Variants in SPATA20 observed in about 807,000 individuals in gnomAD.
SPATA20 encodes spermatogenesis-associated protein 20.
In SPATA20, 74 loss-of-function variants were observed where a neutral mutation model predicts 98.9. The ratio of observed to expected loss-of-function variants is 0.75; its 90% CI spans 0.62 to 0.91. SPATA20 has a LOEUF of 0.91. Ranked by LOEUF, SPATA20 falls within the 40% of genes least tolerant of loss-of-function variation. The pLI is 0.00. For synonymous variants in SPATA20, 430 were observed against 440.5 expected (o/e 0.98, Z 0.30); for missense variants, 1,016 against 1,069.8 (o/e 0.95, Z 0.70).
chr17:50,548,280 C>A lies in SPATA20; in HGVS notation c.126-3C>A. ...GCTTGCCTGATGCACCAGTCCTCGC[C>A]AGGGGTAGCTCCTCCCGGGACAAGG... On this transcript the variant is annotated splice_polypyrimidine_tract_variant and splice_region_variant and intron_variant, in intron 2 of 16. Transcript: ENST00000006658. The A allele has an allele frequency of 6.2e-7, 1 of 1,612,914 alleles. No individual in the cohort carries two copies.
In SPATA20 at chr17:50,549,377, A is replaced by G. The variant is rs2034973221; in HGVS notation, c.752A>G (p.Gln251Arg). The G allele has an allele frequency of 3.7e-6, 6 of 1,612,502 alleles. No homozygotes were observed. Among genetic ancestry groups the G allele is most frequent in the Non-Finnish European group, 5.1e-6 (6 of 1,179,926 alleles). Residue 251 changes from glutamine (Q) to arginine (R), a missense_variant, in exon 7 of 17, where the codon CAG (glutamine) becomes CGG (arginine). Transcript: ENST00000006658. ...TCAGAGATCAGCGTGGGTGACCGCC[A>G]GCTGCCGCCCTCTGCCGCCACCGTG... ...ARSEISVGDR[Q>R]LPPSAATVNN...
At chr17:50,549,016 C>A in intron 5 of SPATA20, 27 bp from the exon 6 acceptor site, 1 of 1,613,894 alleles carries the variant, frequency 6.2e-7, no homozygotes. Flanking sequence ...AGAGCAGCTC[C>A]CCTCACCCTC....
At chr17:50,550,499 CCT>C (rs10586811) in intron 9 of SPATA20, 35 bp from the exon 10 acceptor site, 409,888 of 1,600,802 alleles carry the variant, frequency 0.26, 60,574 homozygotes, top group African/African-American at 0.63. Context: ...TCCCCAGTGA[CCT>C]CTCTGTTCAC....
In SPATA20 at chr17:50,547,729, A is replaced by G. The variant is rs780884559; in HGVS notation, c.87A>G (p.Gly29=). ...AGLAASRRCP[G]VWPRTWPHRS... The stretch of plus-strand genomic sequence containing the variant: ...GTCTCTGATTCCCTAGGTGTCCTGG[A>G]GTCTGGCCCAGGACCTGGCCCCACA... Residue 29 remains glycine (G), a synonymous_variant, in exon 2 of 17, where the codon GGA becomes GGG. Coordinates refer to ENST00000006658, the MANE Select transcript of SPATA20 (RefSeq NM_022827.4). 1.4e-5 allele frequency: 11 copies of G among 781,300 alleles called. No individual in the cohort carries two copies. The highest frequency in any genetic ancestry group is 1.3e-4 in the South Asian group (10 of 74,622). 48.4% of individuals were successfully genotyped at this position (781,300 alleles called of 1,614,324 possible). A position where few individuals can be genotyped will look rare whatever the true frequency, so the allele number is the denominator to read the frequency against.
intron 16 of SPATA20, 22 bp downstream of exon 16, chr17:50,555,334 A>G (rs2035097620): frequency 1.2e-6 from 2 of 1,609,580 alleles, no homozygotes; most frequent in Non-Finnish European, 8.5e-7. Flanking sequence ...TGTGAGCCCA[A>G]TCTGCCACCT....
At chr17:50,552,797 G>A (rs1385166824) in intron 14 of SPATA20, among the ~76,000 whole-genome samples, 1 of 147,190 alleles carries the variant, frequency 6.8e-6, no homozygotes, top group East Asian at 2.1e-4. Flanking sequence ...CAAGTGATCT[G>A]CCCACCTCGG....
rs955530790 is a variant in SPATA20, at chr17:50,549,343, C to T, written c.718C>T (p.Leu240=). 3 of 1,612,670 alleles carry T rather than the reference C, an allele frequency of 1.9e-6. No homozygotes were observed. In the African/African-American group the frequency reaches 4.0e-5, roughly 21 times the overall value. ...ENSQRVTTAL[L]ARSEISVGDR... is the part of the protein sequence containing the mutation. ...TAGCCAGCGTGTCACCACTGCCCTG[C>T]TGGCCCGATCAGAGATCAGCGTGGG... Residue 240 remains leucine, a synonymous_variant, in exon 7 of 17, where the codon CTG becomes TTG. Transcript: ENST00000006658.
Position 50,554,267 on chromosome 17 carries a change from G to T in SPATA20, c.1974G>T (p.Glu658Asp), listed in dbSNP as rs763485767. Residue 658 changes from glutamate to aspartate, a missense_variant, in exon 15 of 17, where the codon GAG becomes GAT. Coordinates refer to ENST00000006658, the MANE Select transcript of SPATA20 (RefSeq NM_022827.4). The part of the protein sequence containing the change: ...LRLKDDQDGA[E>D]PSANSVSAHN... The stretch of plus-strand genomic sequence containing the variant: ...GTGCTGTAGACCAGGATGGAGCAGA[G>T]CCCAGCGCCAATTCCGTGTCAGCCC... The T allele has an allele frequency of 6.2e-7, 1 of 1,614,106 alleles. No homozygotes were observed. Among genetic ancestry groups the T allele is most frequent in the Non-Finnish European group, 8.5e-7 (1 of 1,180,020 alleles).
At chr17:50,552,280 T>A in intron 14 of SPATA20, 100 bp downstream of exon 14, 1 of 943,546 alleles carries the variant, frequency 1.1e-6, no homozygotes, top group Non-Finnish European at 1.6e-6. Context: ...TTTGTGTCTC[T>A]GCTACTTATT....
Position 50,550,784 on chromosome 17 carries a change from A to G in SPATA20, c.1250A>G (p.Tyr417Cys), listed in dbSNP as rs1002520366. The G allele has an allele frequency of 1.9e-6, 3 of 1,613,042 alleles. No individual in the cohort carries two copies. Among genetic ancestry groups the G allele is most frequent in the Admixed American group, 1.7e-5 (1 of 60,028 alleles). Reference protein sequence around the residue: ...RGQRPKEGAYYVWTVKEVQQL... With the variant: ...RGQRPKEGAYCVWTVKEVQQL... ...CAGCGGCCCAAAGAGGGCGCCTACT[A>G]TGTGTGGACGGTCAAAGAGGTTCAG... is the stretch of plus-strand genomic sequence containing the variant. Residue 417 changes from tyrosine to cysteine, a missense_variant, in exon 11 of 17, where the codon TAT becomes TGT. Tyr to Cys is a radical substitution (Grantham distance 194, BLOSUM62 -2). Coordinates refer to ENST00000006658, the MANE Select transcript of SPATA20 (RefSeq NM_022827.4).
rs144011821 is a variant in SPATA20, at chr17:50,548,878, C to T, written c.430C>T (p.Arg144Cys). The change falls in exon 5 of 17, where the codon CGC (arginine) becomes TGC (cysteine). Residue 144 changes from arginine to cysteine, a missense_variant. Physicochemically the swap from Arg to Cys is radical, Grantham distance 180. Coordinates refer to ENST00000006658, the MANE Select transcript of SPATA20 (RefSeq NM_022827.4). ...EESFQNEEIG[R>C]LLSEDFVSVK... is the part of the protein sequence containing the mutation. Reference sequence around the variant, plus strand: ...GTCCTTCCAGAATGAGGAGATTGGCCGCCTGCTCAGTGAGGACTTTGTGAG... The same window carrying T: ...GTCCTTCCAGAATGAGGAGATTGGCTGCCTGCTCAGTGAGGACTTTGTGAG... 176 of 1,613,982 alleles carry T rather than the reference C, an allele frequency of 1.1e-4. No individual in the cohort carries two copies. The highest frequency in any genetic ancestry group is 9.3e-5 in the African/African-American group (7 of 74,918).
At position 50,555,665 on chromosome 17, in the gene SPATA20, G is replaced by T; in HGVS notation, c.*3G>T. ...TACGAAAACTACTACATCCATGACT[G>T]CCCCAACCCCCTTGGGGTGGGGCAG... is the stretch of plus-strand genomic sequence containing the variant. On this transcript the variant is annotated 3_prime_UTR_variant, in exon 17 of 17. Coordinates refer to ENST00000006658, the MANE Select transcript of SPATA20 (RefSeq NM_022827.4). 4 of 1,613,062 alleles carry T rather than the reference G, an allele frequency of 2.5e-6. No individual in the cohort carries two copies. The highest frequency in any genetic ancestry group is 3.4e-6 in the Non-Finnish European group (4 of 1,179,618).
At chr17:50,551,837 T>C (rs1242560498) in intron 13 of SPATA20, 132 bp from the exon 14 acceptor site, 1 of 1,185,416 alleles carries the variant, frequency 8.4e-7, no homozygotes, top group Admixed American at 2.5e-5. Flanking sequence ...ATCTGGGAAG[T>C]GGGCTGATGG....
chr17:50,550,753 C>G lies in SPATA20; in HGVS notation c.1219C>G (p.Arg407Gly). Residue 407 changes from arginine (R) to glycine (G), a missense_variant, in exon 11 of 17, where the codon CGG (arginine) becomes GGG (glycine). Transcript: ENST00000006658. ...SAEDADSPPERGQRPKEGAYY... is the reference protein window; with the variant it reads ...SAEDADSPPEGGQRPKEGAYY... ...AGAAGATGCAGACTCGCCCCCAGAG[C>G]GGGGCCAGCGGCCCAAAGAGGGCGC... 1 of 1,613,230 alleles carries G rather than the reference C, an allele frequency of 6.2e-7. No individual in the cohort carries two copies. The highest frequency in any genetic ancestry group is 8.5e-7 in the Non-Finnish European group (1 of 1,180,028).
intron 1 of SPATA20, 46 bp from the exon 2 acceptor site, chr17:50,547,674 C>A (rs751847980): frequency 1.0e-5 from 8 of 780,718 alleles, no homozygotes; most frequent in South Asian, 9.4e-5. Context: ...GGTCTGCCTG[C>A]AGTCCCACTT....
Position 50,555,685 on chromosome 17 carries a change from G to A in SPATA20, c.*23G>A, listed in dbSNP as rs1159210054. ...TGACTGCCCCAACCCCCTTGGGGTG[G>A]GGCAGAAGGTGAAGCATCCCAACTG... On this transcript the variant is annotated 3_prime_UTR_variant, in exon 17 of 17. Transcript: ENST00000006658. 1.2e-6 allele frequency: 2 copies of A among 1,601,162 alleles called. No homozygotes were observed. The highest frequency in any genetic ancestry group is 1.7e-6 in the Non-Finnish European group (2 of 1,174,478).
In SPATA20 at chr17:50,555,584, T is replaced by G; in HGVS notation, c.2331T>G (p.Thr777=). The G allele has an allele frequency of 6.2e-7, 1 of 1,614,088 alleles. No homozygotes were observed. The highest frequency in any genetic ancestry group is 8.5e-7 in the Non-Finnish European group (1 of 1,179,982). Residue 777 remains threonine, a synonymous_variant, in exon 17 of 17, where the codon ACT becomes ACG. Transcript: ENST00000006658. ...STLRRLEDQA[T]AYVCENQACS... is the part of the protein sequence containing the mutation. The stretch of plus-strand genomic sequence containing the variant: ...TCCGACGGTTGGAAGACCAGGCCAC[T>G]GCATATGTGTGTGAGAATCAAGCCT...
intron 15 of SPATA20, 59 bp from the exon 16 acceptor site, chr17:50,555,173 G>T (rs1055634859): frequency 7.1e-7 from 1 of 1,403,904 alleles, no homozygotes; most frequent in Non-Finnish European, 1.0e-6. Flanking sequence ...AGCCCTGGTG[G>T]TCTAGGGCTC....
At position 50,555,321 on chromosome 17, in the gene SPATA20, C is replaced by A; in HGVS notation, c.2238+9C>A. 6.2e-7 allele frequency: 1 copy of A among 1,613,218 alleles called. No homozygotes were observed. Among genetic ancestry groups the A allele is most frequent in the Non-Finnish European group, 8.5e-7 (1 of 1,179,202 alleles). ...TCTACATTCCTAACAAGGTACCCAT[C>A]CCTGTGAGCCCAATCTGCCACCTCC... On this transcript the variant is annotated intron_variant, in intron 16 of 16. Coordinates refer to ENST00000006658, the MANE Select transcript of SPATA20 (RefSeq NM_022827.4).
Sources: allele counts gnomAD v4.1 joint callset (sites outside exome capture counted in the v4.1 genomes callset), GRCh38; gene constraint gnomAD v4.1.1; transcripts MANE v1.5; gene names NCBI Gene and HGNC (gene_info 2026-07-23, HGNC 2026-07-21).